The following SHOC2 variants were observed in gnomAD, a reference collection of about 807,000 sequenced individuals.
SHOC2 encodes SHOC2 leucine rich repeat scaffold protein, also known as leucine-rich repeat protein SHOC-2.
Under a neutral mutation model 50.2 loss-of-function variants are expected in SHOC2, and 4 were observed. The ratio of observed to expected loss-of-function variants is 0.08; its 90% CI spans 0.04 to 0.18. The LOEUF (loss-of-function observed/expected upper bound fraction) is 0.18. SHOC2 is among the 10% of genes least tolerant of loss of function. The probability of loss-of-function intolerance (pLI) is 1.00; values close to 1 mark genes in which losing one functional copy is unlikely to be tolerated. For missense variants in SHOC2, 388 were observed against 669.6 expected (o/e 0.58, Z 4.64); for synonymous variants, 218 against 244.5 (o/e 0.89, Z 1.01).
intron 3 of SHOC2, 56 bp downstream of exon 3, chr10:110,985,821 A>G: frequency 6.9e-7 from 1 of 1,453,996 alleles, no homozygotes; most frequent in Non-Finnish European, 9.7e-7. Flanking sequence ...GGATATTAAT[A>G]GGACTATTTT....
At chr10:110,940,929 TTTTTTTTTTTTTTTTTTTTG>T (rs1312383901) in intron 1 of SHOC2, among the ~76,000 whole-genome samples, 3 of 26,314 alleles carry the variant, frequency 1.1e-4, no homozygotes, top group African/African-American at 1.2e-4. Context: ...TTTTTTTTTT[TTTTTTTTTTTTTTTTTTTTG>T]TGACAGGGTC....
chr10:111,011,212 AGAC>A, intron 8 of SHOC2, among the ~76,000 whole-genome samples: 1 of 152,336 alleles, frequency 6.6e-6, no homozygotes, highest in South Asian at 2.1e-4. Context: ...AAGTGGTTAT[AGAC>A]ATTGAATATA....
chr10:111,013,264 A>G lies in SHOC2; in HGVS notation c.*1446A>G, dbSNP rs1848601349. ...CATCCTAAAAAACACTTCATATATA[A>G]TTAATCACTATTTTGTATAATTACA... On this transcript the variant is annotated 3_prime_UTR_variant, in exon 9 of 9. Coordinates refer to ENST00000369452, the MANE Select transcript of SHOC2 (RefSeq NM_007373.4). 2 of 151,516 alleles carry G rather than the reference A, an allele frequency of 1.3e-5. No homozygotes were observed. 9.4% of individuals were successfully genotyped at this position (151,516 alleles called of 1,614,324 possible). A position where few individuals can be genotyped will look rare whatever the true frequency, so the allele number is the denominator to read the frequency against.
At chr10:110,993,984 C>T (rs932313630) in intron 3 of SHOC2, among the ~76,000 whole-genome samples, 2 of 152,136 alleles carry the variant, frequency 1.3e-5, no homozygotes, top group African/African-American at 4.8e-5. Context: ...TAAATTCTCC[C>T]CTCTTATGGC....
chr10:110,926,494 C>T (rs1199966173), intron 1 of SHOC2, among the ~76,000 whole-genome samples: 1 of 151,946 alleles, frequency 6.6e-6, no homozygotes, highest in Admixed American at 6.6e-5. Flanking sequence ...AGTTTGGTAA[C>T]CAAATGTAAA....
At chr10:110,998,742 A>AT (rs1049436562) in intron 3 of SHOC2, among the ~76,000 whole-genome samples, 24 of 152,264 alleles carry the variant, frequency 1.6e-4, no homozygotes, top group Admixed American at 4.6e-4. Flanking sequence ...AATTATGAGT[A>AT]TTTTTTTATT....
chr10:110,937,117 T>G (rs756895442), intron 1 of SHOC2: 11 of 1,471,870 alleles, frequency 7.5e-6, no homozygotes, highest in African/African-American at 1.4e-5. Context: ...TGTTGATGCC[T>G]TTGCAGCGTA....
chr10:110,948,362 G>C (rs1448731060), intron 1 of SHOC2, among the ~76,000 whole-genome samples: 1 of 152,132 alleles, frequency 6.6e-6, no homozygotes, highest in Non-Finnish European at 1.5e-5. Context: ...AGAAATAACA[G>C]ACTTGAACAA....
intron 3 of SHOC2, among the ~76,000 whole-genome samples, chr10:110,994,820 G>A (rs1294599187): frequency 6.6e-6 from 1 of 152,188 alleles, no homozygotes; most frequent in Non-Finnish European, 1.5e-5. Context: ...TAAAAGTGAT[G>A]TGGTGGGGTG....
At chr10:111,000,878 A>G (rs1457253937) in intron 4 of SHOC2, among the ~76,000 whole-genome samples, 1 of 152,210 alleles carries the variant, frequency 6.6e-6, no homozygotes, top group Non-Finnish European at 1.5e-5. Flanking sequence ...AGGAAAAACT[A>G]TATGGCTGGT....
chr10:110,928,088 G>A (rs553776083), intron 1 of SHOC2, among the ~76,000 whole-genome samples: 34 of 152,220 alleles, frequency 2.2e-4, no homozygotes, highest in Non-Finnish European at 4.1e-4. Context: ...AGGCCGAGGC[G>A]GGTGGGTCAC....
chr10:110,930,433 T>C (rs1189206557), intron 1 of SHOC2, among the ~76,000 whole-genome samples: 1 of 152,174 alleles, frequency 6.6e-6, no homozygotes, highest in Non-Finnish European at 1.5e-5. Flanking sequence ...TGAAGAAATA[T>C]GTGGCTTTAT....
intron 1 of SHOC2, among the ~76,000 whole-genome samples, chr10:110,954,836 A>G (rs1453991825): frequency 1.3e-5 from 2 of 152,182 alleles, no homozygotes; most frequent in Admixed American, 6.5e-5. Context: ...CAGGCAGAGG[A>G]AACACAGACA....
intron 1 of SHOC2, among the ~76,000 whole-genome samples, chr10:110,927,290 T>G (rs1227240650): frequency 6.6e-6 from 1 of 152,192 alleles, no homozygotes; most frequent in Non-Finnish European, 1.5e-5. Flanking sequence ...CACCAGAGCT[T>G]TAGTTCTGGT....
chr10:110,963,329 T>A (rs1467576052), intron 1 of SHOC2, among the ~76,000 whole-genome samples: 1 of 152,180 alleles, frequency 6.6e-6, no homozygotes, highest in Non-Finnish European at 1.5e-5. Context: ...TGATCTTTCT[T>A]TTTCAGTCCC....
intron 1 of SHOC2, among the ~76,000 whole-genome samples, chr10:110,935,638 A>T (rs202154802): frequency 6.6e-6 from 1 of 151,948 alleles, no homozygotes; most frequent in East Asian, 1.9e-4. Context: ...CTAATATGAG[A>T]CTTTTTTTTC....
intron 1 of SHOC2, among the ~76,000 whole-genome samples, chr10:110,950,300 A>G (rs1195892501): frequency 6.6e-6 from 1 of 152,182 alleles, no homozygotes; most frequent in Non-Finnish European, 1.5e-5. Context: ...GCATAAAAAT[A>G]AAAAGGAATA....
intron 1 of SHOC2, chr10:110,936,949 G>C: frequency 7.0e-7 from 1 of 1,435,242 alleles, no homozygotes; most frequent in South Asian, 1.1e-5. Flanking sequence ...GAGCGGCCTG[G>C]CCTCGCTTGG....
At chr10:110,974,402 G>A (rs1847838447) in intron 2 of SHOC2, among the ~76,000 whole-genome samples, 2 of 151,696 alleles carry the variant, frequency 1.3e-5, no homozygotes, top group African/African-American at 4.8e-5. Flanking sequence ...GTTTTTTGGA[G>A]GATTGTAAAA....
Sources: allele counts gnomAD v4.1 joint callset (sites outside exome capture counted in the v4.1 genomes callset), GRCh38; gene constraint gnomAD v4.1.1; transcripts MANE v1.5; gene names NCBI Gene and HGNC (gene_info 2026-07-23, HGNC 2026-07-21).